Variants in KALRN observed in about 807,000 individuals in gnomAD.
KALRN encodes kalirin RhoGEF kinase.
KALRN carries 70 observed loss-of-function variants against 353.7 expected under a neutral mutation model. That is an observed-to-expected ratio of 0.20 (90% CI 0.16 to 0.24). The LOEUF (loss-of-function observed/expected upper bound fraction) is 0.24. Ranked by LOEUF, KALRN falls within the 10% of genes least tolerant of loss-of-function variation. The pLI is 1.00. For missense variants in KALRN, 2,791 were observed against 3,756.7 expected, an observed-to-expected ratio of 0.74 and a Z score of 6.72; for synonymous variants, 1,391 against 1,434.8, an observed-to-expected ratio of 0.97 and a Z score of 0.69.
At chr3:124,187,559 G>T (rs2074383290) in intron 1 of KALRN, among the ~76,000 whole-genome samples, 1 of 152,204 alleles carries the variant, frequency 6.6e-6, no homozygotes, top group Admixed American at 6.5e-5. Context: ...CTGGAGATTT[G>T]GGTGCTGTGG....
At chr3:124,628,464 C>CCCTTCCTTT (rs2080328539) in intron 34 of KALRN, among the ~76,000 whole-genome samples, 3 of 103,520 alleles carry the variant, frequency 2.9e-5, no homozygotes, top group African/African-American at 6.6e-5. Flanking sequence ...TCCCCTCCTT[C>CCCTTCCTTT]CCTTCCTTCC....
intron 45 of KALRN, among the ~76,000 whole-genome samples, chr3:124,663,500 G>C (rs1322520182): frequency 6.6e-6 from 1 of 152,138 alleles, no homozygotes; most frequent in African/African-American, 2.4e-5. Flanking sequence ...CTTAATAACT[G>C]ACTGTTATTA....
intron 33 of KALRN, among the ~76,000 whole-genome samples, chr3:124,547,100 G>T (rs1338537786): frequency 1.3e-5 from 2 of 152,110 alleles, no homozygotes; most frequent in African/African-American, 2.4e-5. Context: ...GGTGGTCAAA[G>T]CACCGGGAGA....
chr3:124,706,477 T>G (rs766409044), intron 57 of KALRN, among the ~76,000 whole-genome samples: 2 of 152,204 alleles, frequency 1.3e-5, no homozygotes, highest in Non-Finnish European at 2.9e-5. Context: ...TGTGGAGCTT[T>G]CCCAACTGAG....
At chr3:124,647,118 G>C (rs1448122373) in intron 37 of KALRN, among the ~76,000 whole-genome samples, 1 of 151,394 alleles carries the variant, frequency 6.6e-6, no homozygotes. Flanking sequence ...TGTTGCCCAG[G>C]CTCGGTTCAA....
intron 33 of KALRN, among the ~76,000 whole-genome samples, chr3:124,559,921 T>G (rs542374363): frequency 6.6e-6 from 1 of 152,368 alleles, no homozygotes; most frequent in South Asian, 2.1e-4. Flanking sequence ...ATCTAAAGCT[T>G]GAGCCCGGTT....
chr3:124,451,131 C>T (rs1172265689), intron 21 of KALRN, among the ~76,000 whole-genome samples: 3 of 151,864 alleles, frequency 2.0e-5, no homozygotes, highest in Non-Finnish European at 4.4e-5. Context: ...TATAAGATTA[C>T]TATCAAGAAG....
intron 4 of KALRN, among the ~76,000 whole-genome samples, chr3:124,266,256 A>C (rs1039734191): frequency 6.6e-6 from 1 of 152,224 alleles, no homozygotes; most frequent in Non-Finnish European, 1.5e-5. Flanking sequence ...CAATATGGAC[A>C]CTATAATCTG....
rs2075617992 is a variant in KALRN, at chr3:124,198,127, C to G, written c.74-29863C>G. Among the ~76,000 whole-genome samples, 2 of 152,156 alleles carry G rather than the reference C, an allele frequency of 1.3e-5. 1 individual carries two copies. Among genetic ancestry groups the G allele is most frequent in the South Asian group, 4.1e-4 (2 of 4,832 alleles). ...TGATCGAGGAATTAAAAGCTTCGTGCTAAATGGGGAAAGAAGGGTAGATTT... is the reference window on the plus strand; with the variant it reads ...TGATCGAGGAATTAAAAGCTTCGTGGTAAATGGGGAAAGAAGGGTAGATTT... On this transcript the variant is annotated intron_variant, in intron 1 of 59. Coordinates refer to ENST00000682506, the MANE Select transcript of KALRN (RefSeq NM_001388419.1).
chr3:124,221,096 C>T (rs2077857799), intron 1 of KALRN, among the ~76,000 whole-genome samples: 1 of 152,198 alleles, frequency 6.6e-6, no homozygotes, highest in South Asian at 2.1e-4. Flanking sequence ...TGTTGGGAGT[C>T]AGACCACAGA....
intron 29 of KALRN, among the ~76,000 whole-genome samples, chr3:124,489,113 C>T (rs1483192148): frequency 2.0e-5 from 3 of 152,092 alleles, no homozygotes; most frequent in Non-Finnish European, 4.4e-5. Context: ...TCCAGACCAG[C>T]CTGGCCAACA....
At chr3:124,666,734 T>C in intron 46 of KALRN, 100 bp downstream of exon 46, 1 of 960,494 alleles carries the variant, frequency 1.0e-6, no homozygotes, top group East Asian at 2.5e-5. Context: ...TCCAGAACCG[T>C]GAAGATCTTT....
At chr3:124,387,033 A>G (rs1297409911) in intron 11 of KALRN, among the ~76,000 whole-genome samples, 2 of 151,738 alleles carry the variant, frequency 1.3e-5, no homozygotes, top group African/African-American at 4.8e-5. Context: ...TTCCTTTTCT[A>G]TCTCCTCTCC....
intron 6 of KALRN, among the ~76,000 whole-genome samples, chr3:124,314,464 C>T (rs1000823871): frequency 7.9e-5 from 12 of 151,602 alleles, no homozygotes; most frequent in African/African-American, 2.2e-4. Context: ...CAAACCCACA[C>T]GTTGTGCACA....
intron 1 of KALRN, chr3:124,152,805 CG>C (rs749182290): frequency 7.7e-4 from 211 of 274,410 alleles, no homozygotes; most frequent in Non-Finnish European, 9.3e-4. Context: ...TTCATTGAGA[CG>C]GGGTTTCACC....
intron 37 of KALRN, among the ~76,000 whole-genome samples, chr3:124,648,678 G>A (rs1418883409): frequency 6.6e-6 from 1 of 152,208 alleles, no homozygotes; most frequent in East Asian, 1.9e-4. Context: ...TCAACAGGCT[G>A]CAGAACAAAG....
Position 124,212,742 on chromosome 3 carries a change from A to C in KALRN, c.74-15248A>C, listed in dbSNP as rs577696448. 1.4e-4 allele frequency among the ~76,000 whole-genome samples: 21 copies of C among 152,266 alleles called. No homozygotes were observed. The South Asian group carries it at 4.4e-3, about 32-fold the overall frequency. On this transcript the variant is annotated intron_variant, in intron 1 of 59. Coordinates refer to ENST00000682506, the MANE Select transcript of KALRN (RefSeq NM_001388419.1). ...TTGCACTAATGGGGTTATAGGCAGG[A>C]AGAGGTAATTAATGCTGAACCTTGC... is the stretch of plus-strand genomic sequence containing the variant.
intron 9 of KALRN, among the ~76,000 whole-genome samples, chr3:124,342,904 T>C (rs987770664): frequency 1.3e-5 from 2 of 152,228 alleles, no homozygotes; most frequent in African/African-American, 4.8e-5. Flanking sequence ...CATTCACTCC[T>C]GTACCAGTGA....
At chr3:124,664,347 G>A (rs1229581015) in intron 45 of KALRN, among the ~76,000 whole-genome samples, 1 of 114,174 alleles carries the variant, frequency 8.8e-6, no homozygotes, top group East Asian at 3.6e-4. Flanking sequence ...GTGTGTGTGT[G>A]TGTGTGTGTG....
Sources: allele counts gnomAD v4.1 joint callset (sites outside exome capture counted in the v4.1 genomes callset), GRCh38; gene constraint gnomAD v4.1.1; transcripts MANE v1.5; gene names NCBI Gene and HGNC (gene_info 2026-07-23, HGNC 2026-07-21).